The following AGBL4 variants were observed in gnomAD, a reference collection of about 807,000 sequenced individuals.
AGBL4 encodes cytosolic carboxypeptidase 6.
Under a neutral mutation model 66.4 loss-of-function variants are expected in AGBL4, and 58 were observed. The ratio of observed to expected loss-of-function variants is 0.87; its 90% CI spans 0.71 to 1.09. AGBL4 has a LOEUF of 1.09. AGBL4 is among the 50% of genes least tolerant of loss of function. The pLI is 0.00. For synonymous variants in AGBL4, 234 were observed against 222.9 expected (o/e 1.05, Z -0.44); for missense variants, 579 against 631.0 (o/e 0.92, Z 0.88).
At chr1:49,202,389 A>G (rs1389758237) in intron 4 of AGBL4, among the ~76,000 whole-genome samples, 1 of 152,168 alleles carries the variant, frequency 6.6e-6, no homozygotes, top group African/African-American at 2.4e-5. Flanking sequence ...CTACAAAGCT[A>G]CAGTAATCAA....
chr1:48,930,617 C>G (rs1018023611), intron 5 of AGBL4, among the ~76,000 whole-genome samples: 1 of 152,186 alleles, frequency 6.6e-6, no homozygotes, highest in African/African-American at 2.4e-5. Flanking sequence ...TCTTCCATTT[C>G]TGAGCCTCAA....
intron 1 of AGBL4, among the ~76,000 whole-genome samples, chr1:49,896,689 G>A (rs1256335979): frequency 1.4e-5 from 2 of 138,252 alleles, no homozygotes; most frequent in African/African-American, 5.3e-5. Context: ...AAAAATTGAT[G>A]CAAAAATTCT....
At chr1:48,862,462 C>T (rs1647568878) in intron 6 of AGBL4, among the ~76,000 whole-genome samples, 1 of 152,176 alleles carries the variant, frequency 6.6e-6, no homozygotes, top group Non-Finnish European at 1.5e-5. Context: ...GATGGGACTA[C>T]AGGCGCCCGC....
At chr1:49,769,585 C>CA (rs1489764344) in intron 2 of AGBL4, among the ~76,000 whole-genome samples, 1 of 152,026 alleles carries the variant, frequency 6.6e-6, no homozygotes, top group Non-Finnish European at 1.5e-5. Context: ...CTGCAGTAAC[C>CA]AAAATAGCAT....
At chr1:49,372,619 C>CT (rs763475590) in intron 3 of AGBL4, among the ~76,000 whole-genome samples, 1 of 56,972 alleles carries the variant, frequency 1.8e-5, no homozygotes, top group East Asian at 5.1e-4. Flanking sequence ...TTCTTTCTTT[C>CT]TTTCTTTCTT....
chr1:49,645,940 C>T (rs1369585842), intron 3 of AGBL4, among the ~76,000 whole-genome samples: 2 of 151,390 alleles, frequency 1.3e-5, no homozygotes, highest in African/African-American at 4.8e-5. Context: ...ATTACCTAAA[C>T]AAATGCAGAA....
At chr1:49,845,249 G>A in intron 2 of AGBL4, 1 of 1,557,232 alleles carries the variant, frequency 6.4e-7, no homozygotes, top group Non-Finnish European at 8.8e-7. Context: ...CCCTATAAAT[G>A]CACTCAGTGT....
intron 3 of AGBL4, among the ~76,000 whole-genome samples, chr1:49,594,018 A>G (rs546828891): frequency 6.6e-6 from 1 of 152,318 alleles, no homozygotes; most frequent in African/African-American, 2.4e-5. Flanking sequence ...AGGACCCCAG[A>G]GTAACCAAAA....
chr1:48,994,769 A>C (rs1021463885), intron 5 of AGBL4, among the ~76,000 whole-genome samples: 13 of 152,098 alleles, frequency 8.5e-5, no homozygotes, highest in African/African-American at 3.1e-4. Flanking sequence ...ATATATATTC[A>C]TTGATATTAA....
intron 3 of AGBL4, among the ~76,000 whole-genome samples, chr1:49,565,010 A>G (rs1449213852): frequency 6.6e-6 from 1 of 152,154 alleles, no homozygotes; most frequent in East Asian, 1.9e-4. Context: ...GTGCATATAT[A>G]TTTAGGATAG....
chr1:49,735,598 G>A (rs560682019), intron 2 of AGBL4, among the ~76,000 whole-genome samples: 3 of 152,098 alleles, frequency 2.0e-5, no homozygotes, highest in African/African-American at 7.2e-5. Context: ...CCAGCAACAG[G>A]AAATGAATAC....
At chr1:49,621,791 T>A (rs1645365134) in intron 3 of AGBL4, among the ~76,000 whole-genome samples, 2 of 152,222 alleles carry the variant, frequency 1.3e-5, no homozygotes, top group African/African-American at 4.8e-5. Flanking sequence ...CTCCAAGGTA[T>A]GATACAATCT....
At chr1:48,536,815 T>C (rs929045704) in intron 12 of AGBL4, among the ~76,000 whole-genome samples, 1 of 152,242 alleles carries the variant, frequency 6.6e-6, no homozygotes, top group Non-Finnish European at 1.5e-5. Context: ...TGGAGCATTT[T>C]GGGCTTGCGA....
At chr1:48,961,130 T>C in intron 5 of AGBL4, among the ~76,000 whole-genome samples, 1 of 152,122 alleles carries the variant, frequency 6.6e-6, no homozygotes, top group East Asian at 1.9e-4. Context: ...TGTATGTGTG[T>C]ATGTACAGCT....
intron 2 of AGBL4, among the ~76,000 whole-genome samples, chr1:49,763,259 C>T (rs992812015): frequency 7.2e-5 from 11 of 152,190 alleles, no homozygotes; most frequent in Non-Finnish European, 5.9e-5. Flanking sequence ...CAGTCCCATG[C>T]TGTGTTAGTT....
In AGBL4 at chr1:48,891,573, C is replaced by T. The variant is rs1032822716; in HGVS notation, c.595-24343G>A. Among the ~76,000 whole-genome samples the T allele has an allele frequency of 5.9e-5, 9 of 152,210 alleles. No homozygotes were observed. In the East Asian group the frequency reaches 1.5e-3, roughly 26 times the overall value. ...ATCTTAGGAACCTCTTACCAAAGGC[C>T]GGCTTCCTGTTTCAGCTCTACTGCC... is the stretch of plus-strand genomic sequence containing the variant. On this transcript the variant is annotated intron_variant, in intron 5 of 13. Transcript: ENST00000371839.
chr1:49,700,108 T>C (rs988750637), intron 2 of AGBL4, among the ~76,000 whole-genome samples: 1 of 151,676 alleles, frequency 6.6e-6, no homozygotes, highest in African/African-American at 2.4e-5. Context: ...GCTTTCCTTT[T>C]AGGAGCACAA....
the AGBL4 span, among the ~76,000 whole-genome samples, chr1:48,525,416 T>C: frequency 6.6e-6 from 1 of 152,148 alleles, no homozygotes; most frequent in African/African-American, 2.4e-5. Context: ...TGCTTCATTA[T>C]TTGTGTTGGA....
intron 6 of AGBL4, among the ~76,000 whole-genome samples, chr1:48,771,598 G>A (rs1193391231): frequency 6.6e-6 from 1 of 152,166 alleles, no homozygotes; most frequent in African/African-American, 2.4e-5. Context: ...ATGTATATCA[G>A]CAAAACATGT....
Sources: gnomAD v4.1 joint callset for allele counts (sites outside exome capture counted in the v4.1 genomes callset) on GRCh38, gnomAD v4.1.1 for gene constraint, MANE v1.5 for transcripts, NCBI Gene and HGNC (gene_info 2026-07-23, HGNC 2026-07-21) for gene names.